Variants in LIMCH1 observed in about 807,000 individuals in gnomAD.
LIMCH1 encodes the protein LIM and calponin homology domains-containing protein 1.
LIMCH1 carries 113 observed loss-of-function variants against 176.5 expected under a neutral mutation model. The observed-to-expected ratio is 0.64, with a 90% CI of 0.55 to 0.75. The LOEUF is 0.75. Among genes scored for constraint, LIMCH1 ranks in the 30% least tolerant of loss-of-function variants. LIMCH1 has a pLI of 0.00. For synonymous variants in LIMCH1, 619 were observed against 645.9 expected (o/e 0.96, Z 0.63); for missense variants, 1,674 against 1,814.9 (o/e 0.92, Z 1.41).
In LIMCH1 at chr4:41,631,307, A is replaced by G. The variant is rs2093310856; in HGVS notation, c.1431A>G (p.Leu477=). ...KFVHFGPVTE[L]DQQKWKRLSI... is the part of the protein sequence containing the mutation. ...TGCACTTTGGGCCAGTGACGGAGCT[A>G]GATCAGCAGAAATGGAAGCGGCTTA... The change falls in exon 10 of 32, where the codon CTA becomes CTG. Residue 477 remains leucine, a synonymous_variant. Transcript: ENST00000503057. 1 of 1,536,020 alleles carries G rather than the reference A, an allele frequency of 6.5e-7. No homozygotes were observed. The highest frequency in any genetic ancestry group is 8.7e-7 in the Non-Finnish European group (1 of 1,146,916).
chr4:41,618,236 T>C (rs2092293006), intron 5 of LIMCH1, among the ~76,000 whole-genome samples: 1 of 152,206 alleles, frequency 6.6e-6, no homozygotes, highest in Non-Finnish European at 1.5e-5. Flanking sequence ...GCTACTTATA[T>C]GGCAGTGTTT....
Position 41,631,449 on chromosome 4 carries a change from C to G in LIMCH1, c.1573C>G (p.Gln525Glu). The G allele has an allele frequency of 6.6e-7, 1 of 1,520,278 alleles. No homozygotes were observed. 94.2% of individuals were successfully genotyped at this position (1,520,278 alleles called of 1,614,324 possible). ...GGCCACTTCCAGCTTAAAGGGCCAC[C>G]AAATATTTAATCGACAAAATGACTG... ...SAATSSLKGH[Q>E]IFNRQNDCRT... is the part of the protein sequence containing the mutation. The change falls in exon 10 of 32, where the codon CAA becomes GAA. Residue 525 changes from glutamine (Q) to glutamate (E), a missense_variant. Physicochemically the swap from Gln to Glu is conservative, Grantham distance 29. Around this residue, in one of 3 missense-constraint regions of LIMCH1, gnomAD observed 655 missense variants for 692.2 expected, o/e 0.95. Coordinates refer to ENST00000503057, the MANE Select transcript of LIMCH1 (RefSeq NM_001330672.2).
chr4:41,613,413 G>C, intron 4 of LIMCH1, 53 bp from the exon 5 acceptor site: 1 of 1,499,964 alleles, frequency 6.7e-7, no homozygotes, highest in Non-Finnish European at 9.2e-7. Flanking sequence ...CCATCTTCCT[G>C]ATAGTGTAGG....
intron 29 of LIMCH1, 37 bp downstream of exon 29, chr4:41,687,954 G>T: frequency 3.9e-6 from 6 of 1,524,096 alleles, no homozygotes; most frequent in Non-Finnish European, 5.5e-6. Flanking sequence ...AGGCTGCTTT[G>T]TTATGACTAG....
At chr4:41,542,282 T>G (rs867615832) in intron 1 of LIMCH1, among the ~76,000 whole-genome samples, 3 of 152,142 alleles carry the variant, frequency 2.0e-5, no homozygotes, top group South Asian at 2.1e-4. Context: ...TTATTTACAC[T>G]GCTAGTGTTA....
chr4:41,665,629 C>G (rs569789303), intron 20 of LIMCH1, among the ~76,000 whole-genome samples: 1 of 152,094 alleles, frequency 6.6e-6, no homozygotes, highest in African/African-American at 2.4e-5. Context: ...ACACAGCCAC[C>G]AGCCAAAGAG....
At chr4:41,362,625 A>G (rs2052307633) in intron 1 of LIMCH1, among the ~76,000 whole-genome samples, 1 of 152,218 alleles carries the variant, frequency 6.6e-6, no homozygotes, top group Non-Finnish European at 1.5e-5. Flanking sequence ...ATTCTGCTTT[A>G]AAAATGTATT....
chr4:41,694,950 A>C (rs1013730040), intron 31 of LIMCH1, among the ~76,000 whole-genome samples: 1 of 152,038 alleles, frequency 6.6e-6, no homozygotes, highest in African/African-American at 2.4e-5. Context: ...TGGGGGAAAA[A>C]ATCTCATTGC....
chr4:41,360,051 G>A (rs1004702690), upstream of LIMCH1, among the ~76,000 whole-genome samples: 1 of 151,614 alleles, frequency 6.6e-6, no homozygotes, highest in Non-Finnish European at 1.5e-5. The surrounding 1 kb of genome is among the most constrained non-coding windows in gnomAD (Gnocchi z 4.5). Context: ...GTGTGTGTGT[G>A]TGTGTGTTTC....
intron 1 of LIMCH1, among the ~76,000 whole-genome samples, chr4:41,447,228 C>T (rs138371423): frequency 7.7e-4 from 117 of 152,320 alleles, no homozygotes; most frequent in African/African-American, 2.6e-3. Flanking sequence ...GAGCGAGACC[C>T]TGTCTCAACA....
At chr4:41,666,780 G>T in intron 21 of LIMCH1, 114 bp downstream of exon 21, 1 of 699,398 alleles carries the variant, frequency 1.4e-6, no homozygotes, top group East Asian at 2.8e-5. Flanking sequence ...TTTAGCCAGG[G>T]TGTTTGCCAG....
At chr4:41,600,069 G>A (rs1386644551) in intron 2 of LIMCH1, among the ~76,000 whole-genome samples, 2 of 151,952 alleles carry the variant, frequency 1.3e-5, no homozygotes, top group Non-Finnish European at 2.9e-5. Flanking sequence ...ATAAAATTTG[G>A]GGTTTATGTT....
chr4:41,610,115 C>T (rs1477004867), intron 4 of LIMCH1, among the ~76,000 whole-genome samples: 9 of 152,196 alleles, frequency 5.9e-5, no homozygotes, highest in African/African-American at 2.2e-4. Context: ...TCTACACAGC[C>T]GTGAATATAA....
intron 1 of LIMCH1, among the ~76,000 whole-genome samples, chr4:41,477,533 C>T (rs2067933197): frequency 6.6e-6 from 1 of 152,114 alleles, no homozygotes; most frequent in African/African-American, 2.4e-5. Flanking sequence ...TTTGAGGTGA[C>T]AAGCTAGAGT....
intron 5 of LIMCH1, among the ~76,000 whole-genome samples, chr4:41,616,721 C>T (rs1476382901): frequency 3.3e-5 from 5 of 151,992 alleles, no homozygotes; most frequent in South Asian, 4.2e-4. Flanking sequence ...TATACTGGGC[C>T]GGCCACCTCC....
chr4:41,548,689 A>G (rs2079942835), intron 1 of LIMCH1, among the ~76,000 whole-genome samples: 1 of 152,208 alleles, frequency 6.6e-6, no homozygotes, highest in South Asian at 2.1e-4. Flanking sequence ...AACAGTATTC[A>G]ATTTTGTCTC....
intron 1 of LIMCH1, among the ~76,000 whole-genome samples, chr4:41,394,768 A>T (rs912442912): frequency 6.6e-6 from 1 of 152,196 alleles, no homozygotes. Flanking sequence ...TTCATAGAGC[A>T]TCTTTCGTGG....
chr4:41,437,442 C>CT (rs1183914034), intron 1 of LIMCH1, among the ~76,000 whole-genome samples: 3 of 152,168 alleles, frequency 2.0e-5, no homozygotes, highest in African/African-American at 7.2e-5. Flanking sequence ...AGTGGTGACA[C>CT]TGACATATCA....
At chr4:41,548,426 C>T (rs966253846) in intron 1 of LIMCH1, among the ~76,000 whole-genome samples, 9 of 152,056 alleles carry the variant, frequency 5.9e-5, no homozygotes, top group Admixed American at 2.6e-4. Flanking sequence ...TCTTTGCCCC[C>T]GCTCCACCAA....
Sources: allele counts gnomAD v4.1 joint callset (sites outside exome capture counted in the v4.1 genomes callset), GRCh38; gene constraint gnomAD v4.1.1; regional missense constraint gnomAD v4.1.1; non-coding constraint Gnocchi (gnomAD v3.1); transcripts MANE v1.5; gene names NCBI Gene and HGNC (gene_info 2026-07-23, HGNC 2026-07-21).